USP40: variants seen among roughly 807,000 people sequenced by gnomAD.
The protein encoded by USP40 is ubiquitin carboxyl-terminal hydrolase 40.
Under a neutral mutation model 166.2 loss-of-function variants are expected in USP40, and 143 were observed. The ratio of observed to expected loss-of-function variants is 0.86; its 90% CI spans 0.75 to 0.99. The LOEUF is 0.99. Among genes scored for constraint, USP40 ranks in the 50% least tolerant of loss-of-function variants. The pLI is 0.00. For missense variants in USP40, 1,444 were observed against 1,479.7 expected (o/e 0.98, Z 0.40); for synonymous variants, 498 against 524.0 (o/e 0.95, Z 0.68).
Position 233,492,349 on chromosome 2 carries a change from G to A in USP40, c.2917+1076C>T, listed in dbSNP as rs115254428. 8.4e-3 allele frequency among the ~76,000 whole-genome samples: 1,286 copies of A among 152,282 alleles called. 8 individuals are homozygous for A. Among genetic ancestry groups the A allele is most frequent in the Non-Finnish European group, 0.011 (778 of 68,024 alleles). On this transcript the variant is annotated intron_variant, in intron 25 of 31. Transcript: ENST00000678225. ...TCACATAATGATGAAATCATCTGAC[G>A]ATGCATTTCTCAAAACATATTCATG...
intron 21 of USP40, among the ~76,000 whole-genome samples, chr2:233,506,775 GTAGCATA>G (rs1189435359): frequency 1.3e-5 from 2 of 149,378 alleles, no homozygotes; most frequent in Admixed American, 6.7e-5. Flanking sequence ...GCTGGGCATA[GTAGCATA>G]TACCTGCGAT....
chr2:233,478,057 A>T (rs547955049), intron 31 of USP40, among the ~76,000 whole-genome samples: 1 of 152,374 alleles, frequency 6.6e-6, no homozygotes, highest in Non-Finnish European at 1.5e-5. Flanking sequence ...CACGCTGCAC[A>T]GTCCCCGACA....
chr2:233,542,746 A>T (rs1212515701), intron 8 of USP40: 2 of 157,630 alleles, frequency 1.3e-5, no homozygotes, highest in African/African-American at 4.8e-5. Flanking sequence ...ATATGCTTGG[A>T]ATGAGGCAGA....
chr2:233,510,374 C>T (rs79958262), intron 20 of USP40, among the ~76,000 whole-genome samples: 1 of 146,254 alleles, frequency 6.8e-6, no homozygotes, highest in African/African-American at 2.5e-5. Context: ...CTCCCACATA[C>T]ACTACTTCTT....
chr2:233,488,561 T>C (rs1262601439), intron 27 of USP40, among the ~76,000 whole-genome samples: 1 of 152,198 alleles, frequency 6.6e-6, no homozygotes, highest in African/African-American at 2.4e-5. Flanking sequence ...AATTTCCCTC[T>C]GTTCAGCCGG....
Position 233,540,732 on chromosome 2 carries a change from T to A in USP40, c.1100A>T (p.Gln367Leu), listed in dbSNP as rs1481554060. The A allele has an allele frequency of 3.1e-6, 5 of 1,613,608 alleles. No individual in the cohort carries two copies. Among genetic ancestry groups the A allele is most frequent in the Non-Finnish European group, 4.2e-6 (5 of 1,179,662 alleles). ...NNLIPVDQLGQKLLKKIGISW... is the reference protein window; with the variant it reads ...NNLIPVDQLGLKLLKKIGISW... ...TATTCCTATCTTTTTCAAAAGTTTC[T>A]GGCCCAGCTGATCAACAGGAATTAG... The change falls in exon 10 of 32, where the codon CAG (glutamine) becomes CTG (leucine). Residue 367 changes from glutamine to leucine, a missense_variant. Coordinates refer to ENST00000678225, the MANE Select transcript of USP40 (RefSeq NM_001365479.2).
At chr2:233,531,481 C>T (rs2068521507) in intron 11 of USP40, among the ~76,000 whole-genome samples, 1 of 152,148 alleles carries the variant, frequency 6.6e-6, no homozygotes. Context: ...ATTACGTACA[C>T]ACTAAAATTC....
chr2:233,532,334 A>G (rs1180602578), intron 11 of USP40, among the ~76,000 whole-genome samples: 1 of 152,204 alleles, frequency 6.6e-6, no homozygotes, highest in Non-Finnish European at 1.5e-5. Context: ...TCTGCAACCA[A>G]TCAGATGTTT....
At chr2:233,518,011 C>T (rs2067358916) in intron 18 of USP40, among the ~76,000 whole-genome samples, 1 of 139,510 alleles carries the variant, frequency 7.2e-6, no homozygotes, top group Non-Finnish European at 1.5e-5. Context: ...ATATAGTGGA[C>T]TTTGGGGACT....
intron 24 of USP40, among the ~76,000 whole-genome samples, chr2:233,495,377 TA>T (rs1259478590): frequency 1.3e-5 from 2 of 152,040 alleles, no homozygotes; most frequent in Non-Finnish European, 2.9e-5. Context: ...TTAAGTGTTG[TA>T]ACAGTAACAT....
chr2:233,565,400 A>G lies in USP40; in HGVS notation c.155T>C (p.Leu52Pro). The G allele has an allele frequency of 6.5e-7, 1 of 1,537,280 alleles. No homozygotes were observed. The highest frequency in any genetic ancestry group is 8.7e-7 in the Non-Finnish European group (1 of 1,146,862). The change falls in exon 2 of 32, where the codon CTC (leucine) becomes CCC (proline). Residue 52 changes from leucine (L) to proline (P), a missense_variant. Physicochemically the swap from Leu to Pro is moderately conservative, Grantham distance 98. Transcript: ENST00000678225. ...ATGAAGAGTCTGAAGAAGGGAATTG[A>G]GGTAACAGGTTCCACCCTGATTTCT... ...GIRNQGGTCY[L>P]NSLLQTLHFT...
At chr2:233,481,118 G>A (rs1478757342) in intron 31 of USP40, 85 bp downstream of exon 31, 18 of 1,300,246 alleles carry the variant, frequency 1.4e-5, no homozygotes, top group East Asian at 7.5e-5. Flanking sequence ...AAGAGTTTCC[G>A]GTCCCTCTCA....
In USP40 at chr2:233,549,246, C is replaced by T; in HGVS notation, c.838-17G>A. 1 of 1,301,850 alleles carries T rather than the reference C, an allele frequency of 7.7e-7. No individual in the cohort carries two copies. The highest frequency in any genetic ancestry group is 1.0e-6 in the Non-Finnish European group (1 of 958,102). 80.6% of individuals were successfully genotyped at this position (1,301,850 alleles called of 1,614,324 possible). A position where few individuals can be genotyped will look rare whatever the true frequency, so the allele number is the denominator to read the frequency against. On this transcript the variant is annotated splice_polypyrimidine_tract_variant and intron_variant, in intron 7 of 31. Transcript: ENST00000678225. ...CAATTCACTCTAAAAGAAAAAAGAA[C>T]AAAAATATTGATATAGTTTTCATAA...
At chr2:233,532,543 CTG>C (rs2068624363) in intron 11 of USP40, among the ~76,000 whole-genome samples, 1 of 152,226 alleles carries the variant, frequency 6.6e-6, no homozygotes, top group South Asian at 2.1e-4. Context: ...TGCTTCCACA[CTG>C]TGGAGTGTAC....
rs544070762 is a variant in USP40 at position 233,564,018 on chromosome 2, A to T, written c.200-1215T>A. On this transcript the variant is annotated intron_variant, in intron 2 of 31. Transcript: ENST00000678225. ...AAAGTGTTATCCCTATTAGAAATGT[A>T]CTTATTAGTGCTGGCAATTTTTACT... is the stretch of plus-strand genomic sequence containing the variant. Among the ~76,000 whole-genome samples the T allele has an allele frequency of 2.6e-5, 4 of 152,342 alleles. No individual in the cohort carries two copies. The East Asian group carries it at 7.7e-4, about 29-fold the overall frequency.
At chr2:233,550,845 T>C (rs899623789) in intron 7 of USP40, among the ~76,000 whole-genome samples, 10 of 152,326 alleles carry the variant, frequency 6.6e-5, no homozygotes, top group Admixed American at 2.0e-4. Flanking sequence ...CATTTGCCTC[T>C]TGACTTTCTA....
intron 17 of USP40, among the ~76,000 whole-genome samples, chr2:233,520,671 C>T (rs1286481779): frequency 2.0e-5 from 3 of 152,042 alleles, no homozygotes; most frequent in Admixed American, 6.6e-5. Flanking sequence ...ACAGAAAAGA[C>T]CCTTGAAAAC....
chr2:233,526,929 T>C (rs933839739), intron 13 of USP40, among the ~76,000 whole-genome samples: 15 of 152,264 alleles, frequency 9.9e-5, no homozygotes, highest in African/African-American at 3.4e-4. Context: ...CCTAGAAAAA[T>C]GACTTGGAGA....
chr2:233,493,512 C>T lies in USP40; in HGVS notation c.2830G>A (p.Gly944Ser). The T allele has an allele frequency of 1.2e-6, 2 of 1,613,470 alleles. No individual in the cohort carries two copies. The highest frequency in any genetic ancestry group is 8.5e-7 in the Non-Finnish European group (1 of 1,179,692). ...TGACTCTCCCAGTGTCCTGAGGGAC[C>T]CTGAAGCTGGTACCACCAGATGGGC... ...KVPIWWYQLQ[G>S]PSGHWESHQD... Residue 944 changes from glycine (G) to serine (S), a missense_variant, in exon 25 of 32, where the codon GGT (glycine) becomes AGT (serine). Coordinates refer to ENST00000678225, the MANE Select transcript of USP40 (RefSeq NM_001365479.2). The surrounding 1 kb of genome is among the most constrained non-coding windows in gnomAD (Gnocchi z 4.7).
Sources: allele counts gnomAD v4.1 joint callset (sites outside exome capture counted in the v4.1 genomes callset), GRCh38; gene constraint gnomAD v4.1.1; non-coding constraint Gnocchi (gnomAD v3.1); transcripts MANE v1.5; gene names NCBI Gene and HGNC (gene_info 2026-07-23, HGNC 2026-07-21).